CIT: variants seen among roughly 807,000 people sequenced by gnomAD.
CIT encodes citron Rho-interacting kinase.
CIT carries 79 observed loss-of-function variants against 272.7 expected under a neutral mutation model. The ratio of observed to expected loss-of-function variants is 0.29; its 90% CI spans 0.24 to 0.35. CIT has a LOEUF of 0.35. CIT is among the 10% of genes least tolerant of loss of function. CIT has a pLI of 1.00. For synonymous variants in CIT, 948 were observed against 995.6 expected (o/e 0.95, Z 0.90); for missense variants, 1,909 against 2,618.3 (o/e 0.73, Z 5.91).
Position 119,803,194 on chromosome 12 carries a change from A to AT in CIT, c.1295+11dup. 6.8e-7 allele frequency: 1 copy of AT among 1,476,732 alleles called. No homozygotes were observed. The highest frequency in any genetic ancestry group is 9.0e-7 in the Non-Finnish European group (1 of 1,114,664). The allele number at this position is 1,476,732 out of a possible 1,614,324, so 91.5% of individuals were successfully genotyped here. On this transcript the variant is annotated intron_variant, in intron 10 of 47. Coordinates refer to ENST00000392521, the MANE Select transcript of CIT (RefSeq NM_001206999.2). Reference sequence around the variant, plus strand: ...AATGCAGGTCCCTTTAGAAAGTCAAATTTTCACTTACTCAGATCTACCAAG... The same window carrying AT: ...AATGCAGGTCCCTTTAGAAAGTCAAATTTTTCACTTACTCAGATCTACCAAG...
In CIT at chr12:119,718,653, T is replaced by C. The variant is rs1321669837; in HGVS notation, c.4003+46A>G. ...GCTGATCTCACTGAGATCAATCCTC[T>C]GCCTTTTCCACATCCTTGAGCATTT... On this transcript the variant is annotated intron_variant, in intron 31 of 47. Coordinates refer to ENST00000392521, the MANE Select transcript of CIT (RefSeq NM_001206999.2). This position sits in a 1 kb window ranked among gnomAD's most constrained non-coding sequence, Gnocchi z 4.8. 1.2e-6 allele frequency: 2 copies of C among 1,609,434 alleles called. No individual in the cohort carries two copies. The highest frequency in any genetic ancestry group is 2.7e-5 in the African/African-American group (2 of 74,802).
intron 23 of CIT, among the ~76,000 whole-genome samples, chr12:119,747,981 C>T (rs563198619): frequency 1.1e-4 from 16 of 151,954 alleles, no homozygotes; most frequent in East Asian, 1.9e-4. Flanking sequence ...CTGGGAAACA[C>T]GGTGAAACCT....
intron 13 of CIT, among the ~76,000 whole-genome samples, chr12:119,781,128 C>A (rs1470611871): frequency 1.3e-5 from 2 of 152,146 alleles, no homozygotes; most frequent in African/African-American, 2.4e-5. Flanking sequence ...GGATGAAAAA[C>A]TATGTTGATA....
chr12:119,769,002 G>A (rs1962781432), intron 18 of CIT, among the ~76,000 whole-genome samples: 1 of 152,062 alleles, frequency 6.6e-6, no homozygotes, highest in Admixed American at 6.6e-5. Context: ...GTACTCCGGC[G>A]GGTGGCAAGA....
chr12:119,751,901 T>C, intron 23 of CIT, 149 bp downstream of exon 23: 1 of 693,114 alleles, frequency 1.4e-6, no homozygotes, highest in Non-Finnish European at 2.3e-6. Flanking sequence ...GCAGCCTATG[T>C]AAGCCAATTT....
chr12:119,739,881 C>T (rs1958974275), intron 24 of CIT, among the ~76,000 whole-genome samples: 1 of 152,134 alleles, frequency 6.6e-6, no homozygotes, highest in African/African-American at 2.4e-5. Context: ...TCACCCAGCC[C>T]CCAAAGAGCA....
At position 119,768,912 on chromosome 12, in the gene CIT, C is replaced by G. The variant is rs1962774154; in HGVS notation, c.2209-1730G>C. ...GGTACTAAGGACCACTCTTTGCCCA[C>G]CTCCTAGATACTTTGCAGCCTAAGC... On this transcript the variant is annotated intron_variant, in intron 18 of 47. Coordinates refer to ENST00000392521, the MANE Select transcript of CIT (RefSeq NM_001206999.2). This position sits in a 1 kb window ranked among gnomAD's most constrained non-coding sequence, Gnocchi z 4.3. 1.3e-5 allele frequency among the ~76,000 whole-genome samples: 2 copies of G among 152,168 alleles called. No homozygotes were observed. The highest frequency in any genetic ancestry group is 6.5e-5 in the Admixed American group (1 of 15,274).
At chr12:119,845,587 A>G (rs1336778037) in intron 5 of CIT, among the ~76,000 whole-genome samples, 9 of 147,218 alleles carry the variant, frequency 6.1e-5, no homozygotes, top group African/African-American at 2.3e-4. Flanking sequence ...TAGGAGGTGG[A>G]GGCTGCAGTG....
At chr12:119,696,886 T>C (rs1430387957) in intron 46 of CIT, among the ~76,000 whole-genome samples, 1 of 152,224 alleles carries the variant, frequency 6.6e-6, no homozygotes, top group Admixed American at 6.5e-5. Flanking sequence ...TTGATGTGTC[T>C]TGGCGATTGC....
At chr12:119,733,652 A>G (rs549334818) in intron 26 of CIT, among the ~76,000 whole-genome samples, 38 of 152,228 alleles carry the variant, frequency 2.5e-4, no homozygotes, top group Middle Eastern at 3.4e-3. Context: ...TGTTGTCACA[A>G]CGTGGGAAGG....
chr12:119,703,865 A>G (rs140246146), intron 41 of CIT, among the ~76,000 whole-genome samples: 62 of 152,324 alleles, frequency 4.1e-4, no homozygotes, highest in African/African-American at 1.3e-3. Context: ...CATCTCGTCC[A>G]TATTGCAGTC....
At position 119,803,580 on chromosome 12, in the gene CIT, C is replaced by T. The variant is rs917697600; in HGVS notation, c.1112-191G>A. 9.0e-6 allele frequency: 4 copies of T among 442,876 alleles called. No homozygotes were observed. The East Asian group carries it at 1.5e-4, about 17-fold the overall frequency. The allele number at this position is 442,876 out of a possible 1,614,324, so 27.4% of individuals were successfully genotyped here. On this transcript the variant is annotated intron_variant, in intron 9 of 47. Coordinates refer to ENST00000392521, the MANE Select transcript of CIT (RefSeq NM_001206999.2). Reference sequence around the variant, plus strand: ...AACCCCTTCTCTGCCAACATGGCCACCAACCCGCAGACAGGCTGCCTTCCC... The same window carrying T: ...AACCCCTTCTCTGCCAACATGGCCATCAACCCGCAGACAGGCTGCCTTCCC...
intron 24 of CIT, among the ~76,000 whole-genome samples, chr12:119,739,948 G>A (rs1178937533): frequency 6.6e-6 from 1 of 152,150 alleles, no homozygotes; most frequent in African/African-American, 2.4e-5. Context: ...GGAACTGAGG[G>A]TATACAATGT....
At chr12:119,745,124 T>C (rs997223806) in intron 23 of CIT, among the ~76,000 whole-genome samples, 4 of 149,094 alleles carry the variant, frequency 2.7e-5, no homozygotes, top group Non-Finnish European at 5.9e-5. Context: ...AACAAGTAAG[T>C]ACCAAGCATA....
chr12:119,778,112 A>G (rs957494129), intron 13 of CIT, among the ~76,000 whole-genome samples: 3 of 152,222 alleles, frequency 2.0e-5, no homozygotes, highest in Non-Finnish European at 2.9e-5. Flanking sequence ...GAGTCACAAA[A>G]CACTGGCTTC....
chr12:119,862,403 G>A (rs1468754646), intron 3 of CIT, among the ~76,000 whole-genome samples: 4 of 152,094 alleles, frequency 2.6e-5, no homozygotes. Flanking sequence ...ATTGTCTCAG[G>A]TAAGATTTTG....
At chr12:119,861,201 C>T (rs1308460951) in intron 3 of CIT, among the ~76,000 whole-genome samples, 1 of 152,068 alleles carries the variant, frequency 6.6e-6, no homozygotes, top group African/African-American at 2.4e-5. Flanking sequence ...CACTCCACCC[C>T]TGTGCACTTT....
chr12:119,831,737 C>T (rs1400395700), intron 7 of CIT, among the ~76,000 whole-genome samples: 15 of 152,098 alleles, frequency 9.9e-5, no homozygotes, highest in African/African-American at 3.4e-4. Flanking sequence ...GGCATGGTGG[C>T]GGGCGCTTGC....
At chr12:119,798,130 A>T (rs1283986560) in intron 10 of CIT, among the ~76,000 whole-genome samples, 1 of 152,186 alleles carries the variant, frequency 6.6e-6, no homozygotes, top group Non-Finnish European at 1.5e-5. Flanking sequence ...AAATGAAAAG[A>T]GGAAAAAATC....
Sources: allele counts gnomAD v4.1 joint callset (sites outside exome capture counted in the v4.1 genomes callset), GRCh38; gene constraint gnomAD v4.1.1; non-coding constraint Gnocchi (gnomAD v3.1); transcripts MANE v1.5; gene names NCBI Gene and HGNC (gene_info 2026-07-23, HGNC 2026-07-21).